The following CTNNAL1 variants were observed in gnomAD, a reference collection of about 807,000 sequenced individuals.
CTNNAL1 encodes alpha-catulin.
In CTNNAL1, 69 loss-of-function variants were observed where a neutral mutation model predicts 93.6. The observed-to-expected ratio is 0.74, with a 90% confidence interval of 0.61 to 0.90. The LOEUF is 0.90. CTNNAL1 is among the 40% of genes least tolerant of loss of function. The pLI is 0.00. For missense variants in CTNNAL1, 836 were observed against 862.0 expected (o/e 0.97, Z 0.38); for synonymous variants, 286 against 305.4 (o/e 0.94, Z 0.66).
intron 4 of CTNNAL1, among the ~76,000 whole-genome samples, chr9:108,989,588 C>T (rs1444852415): frequency 1.3e-5 from 2 of 152,070 alleles, no homozygotes; most frequent in Non-Finnish European, 2.9e-5. Flanking sequence ...GGGACTACAC[C>T]CAGAACCATC....
intron 1 of CTNNAL1, among the ~76,000 whole-genome samples, chr9:109,005,923 AATC>A (rs2132217084): frequency 6.6e-6 from 1 of 152,356 alleles, no homozygotes; most frequent in African/African-American, 2.4e-5. Flanking sequence ...GGAAATGTTC[AATC>A]CAAATATAGT....
chr9:108,994,305 A>G (rs1303546482), intron 2 of CTNNAL1, among the ~76,000 whole-genome samples: 3 of 152,180 alleles, frequency 2.0e-5, no homozygotes, highest in African/African-American at 4.8e-5. Flanking sequence ...GAGCCAGGCT[A>G]TTGTATCAAT....
intron 11 of CTNNAL1, among the ~76,000 whole-genome samples, chr9:108,964,675 A>G (rs1220724137): frequency 6.6e-6 from 1 of 152,122 alleles, no homozygotes; most frequent in Non-Finnish European, 1.5e-5. Flanking sequence ...TCAAATAACT[A>G]CATTCATTTC....
chr9:108,946,163 G>T (rs973688759), intron 15 of CTNNAL1, among the ~76,000 whole-genome samples: 27 of 152,070 alleles, frequency 1.8e-4, no homozygotes, highest in Admixed American at 4.6e-4. Context: ...GCTGGGCGTG[G>T]TAGCGCACAC....
intron 2 of CTNNAL1, among the ~76,000 whole-genome samples, chr9:108,997,785 T>C (rs180983187): frequency 1.3e-5 from 2 of 152,314 alleles, no homozygotes; most frequent in East Asian, 3.9e-4. Flanking sequence ...TGGCAATATA[T>C]TGAAACAAAG....
chr9:108,960,448 C>T lies in CTNNAL1; in HGVS notation c.1592-4621G>A, dbSNP rs116955403. The stretch of plus-strand genomic sequence containing the variant: ...ACGAACATGTTTATCTTCCTGTACC[C>T]CCATTTTTAGTGGCATCCAATCTGC... On this transcript the variant is annotated intron_variant, in intron 11 of 18. Coordinates refer to ENST00000325551, the MANE Select transcript of CTNNAL1 (RefSeq NM_003798.4). Among the ~76,000 whole-genome samples the T allele has an allele frequency of 2.0e-4, 30 of 152,232 alleles. 1 individual carries two copies. Among genetic ancestry groups the T allele is most frequent in the Non-Finnish European group, 2.4e-4 (16 of 68,006 alleles).
chr9:108,979,467 A>T lies in CTNNAL1; in HGVS notation c.915T>A (p.Ala305=). The part of the protein sequence containing the change: ...GIKEFKMNIE[A]LRENLYFQSK... ...ACTGAAAATAAAGATTCTCCCGAAGAGCTTCAATATTCATCTGAGAACAAA... is the reference window on the plus strand; with the variant it reads ...ACTGAAAATAAAGATTCTCCCGAAGTGCTTCAATATTCATCTGAGAACAAA... The change falls in exon 7 of 19, where the codon GCT becomes GCA. Residue 305 remains alanine, a synonymous_variant. Coordinates refer to ENST00000325551, the MANE Select transcript of CTNNAL1 (RefSeq NM_003798.4). 6.2e-7 allele frequency: 1 copy of T among 1,614,046 alleles called. No homozygotes were observed. The highest frequency in any genetic ancestry group is 8.5e-7 in the Non-Finnish European group (1 of 1,179,932).
chr9:108,993,713 T>C (rs1200786191), intron 2 of CTNNAL1, among the ~76,000 whole-genome samples: 1 of 152,226 alleles, frequency 6.6e-6, no homozygotes, highest in Non-Finnish European at 1.5e-5. Context: ...TTAAAAAGAT[T>C]TTTAAAATAA....
At chr9:109,007,138 G>A (rs1827052601) in intron 1 of CTNNAL1, among the ~76,000 whole-genome samples, 1 of 152,136 alleles carries the variant, frequency 6.6e-6, no homozygotes, top group South Asian at 2.1e-4. Context: ...GGGAGGCAGA[G>A]GTGGGGGAAT....
chr9:108,983,311 C>T lies in CTNNAL1; in HGVS notation c.734G>A (p.Cys245Tyr), dbSNP rs1474355512. The change falls in exon 6 of 19, where the codon TGT becomes TAT. Residue 245 changes from cysteine (C) to tyrosine (Y), a missense_variant. Cys to Tyr is a radical substitution (Grantham distance 194). Coordinates refer to ENST00000325551, the MANE Select transcript of CTNNAL1 (RefSeq NM_003798.4). ...TMMLLTASKT[C>Y]LRHPNCESAH... ...TGATTCGCAGTTAGGATGCCTCAGA[C>T]ATGTCTTCAAAACAATTGAAAATTT... The T allele has an allele frequency of 1.3e-6, 2 of 1,515,372 alleles. No homozygotes were observed. Among genetic ancestry groups the T allele is most frequent in the African/African-American group, 1.4e-5 (1 of 70,246 alleles). The allele number at this position is 1,515,372 out of a possible 1,614,324, so 93.9% of individuals were successfully genotyped here. A position where few individuals can be genotyped will look rare whatever the true frequency, so the allele number is the denominator to read the frequency against.
intron 1 of CTNNAL1, among the ~76,000 whole-genome samples, chr9:109,005,857 C>T (rs541492461): frequency 6.6e-6 from 1 of 152,306 alleles, no homozygotes; most frequent in African/African-American, 2.4e-5. Context: ...ACTAGAAGCG[C>T]CTTCCCCAGT....
chr9:108,979,624 T>C lies in CTNNAL1; in HGVS notation c.901-143A>G, dbSNP rs775749393. ...AGGGGAAATACAGCCACCAATGATA[T>C]CTATATTCGCCACTAACCCAGAAGG... On this transcript the variant is annotated intron_variant, in intron 6 of 18. Transcript: ENST00000325551. 92 of 735,238 alleles carry C rather than the reference T, an allele frequency of 1.3e-4. 1 individual carries two copies. In the Middle Eastern group the frequency reaches 1.5e-3, roughly 12 times the overall value. The allele number at this position is 735,238 out of a possible 1,614,324, so 45.5% of individuals were successfully genotyped here.
intron 5 of CTNNAL1, 100 bp from the exon 6 acceptor site, chr9:108,983,415 A>C: frequency 7.9e-7 from 1 of 1,262,330 alleles, no homozygotes. Flanking sequence ...ATGGTTCTTT[A>C]CCAAAATCTC....
At chr9:108,972,237 C>T (rs560887379) in intron 9 of CTNNAL1, among the ~76,000 whole-genome samples, 11 of 152,284 alleles carry the variant, frequency 7.2e-5, no homozygotes, top group African/African-American at 2.4e-4. Context: ...CTACCACTCG[C>T]CCCAATTACT....
At chr9:108,954,275 C>T (rs1159078119) in intron 12 of CTNNAL1, among the ~76,000 whole-genome samples, 1 of 152,188 alleles carries the variant, frequency 6.6e-6, no homozygotes, top group African/African-American at 2.4e-5. Flanking sequence ...ACTCCAACTT[C>T]ACTTCCTAAA....
intron 7 of CTNNAL1, chr9:108,977,570 C>G (rs915743728): frequency 6.6e-6 from 1 of 152,172 alleles, no homozygotes; most frequent in African/African-American, 2.4e-5. Context: ...TTTATTTTTT[C>G]AGTCCAAACC....
At chr9:109,011,252 G>A (rs551883988) in intron 1 of CTNNAL1, among the ~76,000 whole-genome samples, 28 of 152,110 alleles carry the variant, frequency 1.8e-4, no homozygotes, top group Non-Finnish European at 3.7e-4. Context: ...TCTTGTTAAG[G>A]ACAGTCAATT....
At chr9:108,961,942 C>T (rs541188476) in intron 11 of CTNNAL1, among the ~76,000 whole-genome samples, 1 of 152,302 alleles carries the variant, frequency 6.6e-6, no homozygotes, top group East Asian at 1.9e-4. Context: ...GGGAAAAAAG[C>T]AGAACTCAGA....
chr9:108,951,188 T>A (rs1830555371), intron 14 of CTNNAL1, among the ~76,000 whole-genome samples: 1 of 151,638 alleles, frequency 6.6e-6, no homozygotes, highest in Admixed American at 6.6e-5. Context: ...CTTTTTTTTT[T>A]TTTTTTTAAG....
Sources: allele counts gnomAD v4.1 joint callset (sites outside exome capture counted in the v4.1 genomes callset), GRCh38; gene constraint gnomAD v4.1.1; transcripts MANE v1.5; gene names NCBI Gene and HGNC (gene_info 2026-07-23, HGNC 2026-07-21).